Variants in CUX2 observed in about 807,000 individuals in gnomAD.
CUX2 encodes the protein homeobox protein cut-like 2.
A neutral mutation model predicts 144.8 loss-of-function variants in CUX2; 40 were observed. The ratio of observed to expected loss-of-function variants is 0.28; its 90% CI spans 0.21 to 0.36. The LOEUF is 0.36. Ranked by LOEUF, CUX2 falls within the 10% of genes least tolerant of loss-of-function variation. CUX2 has a pLI of 1.00. For missense variants in CUX2, 1,615 were observed against 1,994.0 expected, an observed-to-expected ratio of 0.81 and a Z score of 3.62; for synonymous variants, 827 against 875.6, an observed-to-expected ratio of 0.94 and a Z score of 0.98.
intron 1 of CUX2, among the ~76,000 whole-genome samples, chr12:111,139,383 C>G (rs1006171971): frequency 1.3e-5 from 2 of 152,030 alleles, no homozygotes; most frequent in African/African-American, 4.8e-5. Context: ...CCTCCCTGGC[C>G]TGGGATGAGC....
intron 14 of CUX2, among the ~76,000 whole-genome samples, chr12:111,309,741 ATC>A (rs144676885): frequency 1.4e-4 from 16 of 110,940 alleles, no homozygotes; most frequent in South Asian, 2.9e-4. Context: ...TTGTCTCTTT[ATC>A]TCTCTCTCTC....
chr12:111,333,512 C>T (rs1163925038), intron 18 of CUX2, among the ~76,000 whole-genome samples: 1 of 152,064 alleles, frequency 6.6e-6, no homozygotes, highest in East Asian at 1.9e-4. Flanking sequence ...CCAGTGTTGC[C>T]CTTTCTGAAG....
chr12:111,308,612 C>T (rs1886720056), intron 14 of CUX2, 86 bp downstream of exon 14: 1 of 1,133,362 alleles, frequency 8.8e-7, no homozygotes, highest in South Asian at 1.4e-5. Context: ...AGGACCACTG[C>T]CTTCCATGCA....
At chr12:111,046,810 C>A (rs796663178) in intron 1 of CUX2, among the ~76,000 whole-genome samples, 6 of 152,302 alleles carry the variant, frequency 3.9e-5, no homozygotes, top group African/African-American at 1.4e-4. Flanking sequence ...GCGTGTGCCA[C>A]TACGCCTGGC....
In CUX2 at chr12:111,291,544, G is replaced by T. The variant is rs766645009; in HGVS notation, c.428G>T (p.Ser143Ile). The T allele has an allele frequency of 1.2e-5, 20 of 1,608,904 alleles. No individual in the cohort carries two copies. The highest frequency in any genetic ancestry group is 1.7e-5 in the Admixed American group (1 of 59,274). Residue 143 changes from serine (S) to isoleucine (I), a missense_variant, in exon 5 of 22, where the codon AGC becomes ATC. Ser to Ile is a moderately radical substitution (Grantham distance 142). Transcript: ENST00000261726. Reference sequence around the variant, plus strand: ...TGGAAGAGGAACCCCGAGCTCCTCAGCCCCAAAGGTACTGATAAGGCCTTC... The same window carrying T: ...TGGAAGAGGAACCCCGAGCTCCTCATCCCCAAAGGTACTGATAAGGCCTTC... ...TSWKRNPELL[S>I]PKEQREGTSP... is the part of the protein sequence containing the mutation.
intron 18 of CUX2, 87 bp from the exon 19 acceptor site, chr12:111,334,354 T>A: frequency 4.9e-6 from 7 of 1,436,434 alleles, no homozygotes; most frequent in Non-Finnish European, 6.5e-6. Context: ...GTTTGGCAAC[T>A]CTTGGCTGTA....
intron 1 of CUX2, among the ~76,000 whole-genome samples, chr12:111,155,981 C>T (rs1592947273): frequency 6.6e-6 from 1 of 152,138 alleles, no homozygotes; most frequent in African/African-American, 2.4e-5. Flanking sequence ...AACCCGCTCA[C>T]AAGCCCTGGC....
At chr12:111,286,950 T>A (rs977783053) in intron 4 of CUX2, among the ~76,000 whole-genome samples, 1 of 152,192 alleles carries the variant, frequency 6.6e-6, no homozygotes, top group East Asian at 1.9e-4. Flanking sequence ...CCAGGCCCCA[T>A]GGGATCTGGA....
rs1013110630 is a variant in CUX2, at chr12:111,217,881, C to G, written c.175-9C>G. On this transcript the variant is annotated splice_polypyrimidine_tract_variant and intron_variant, in intron 2 of 21. Transcript: ENST00000261726. Reference sequence around the variant, plus strand: ...ACTGTAGTGAACTCTTTGCTGATCTCTTTTTCAGGAAATCAGAGAGATGGT... The same window carrying G: ...ACTGTAGTGAACTCTTTGCTGATCTGTTTTTCAGGAAATCAGAGAGATGGT... 1.4e-5 allele frequency: 22 copies of G among 1,614,092 alleles called. No homozygotes were observed. Among genetic ancestry groups the G allele is most frequent in the Non-Finnish European group, 1.9e-5 (22 of 1,180,010 alleles).
At chr12:111,041,927 C>T (rs977019837) in intron 1 of CUX2, among the ~76,000 whole-genome samples, 3 of 152,200 alleles carry the variant, frequency 2.0e-5, no homozygotes, top group African/African-American at 7.2e-5. Flanking sequence ...AGCCTGCTGT[C>T]TCTGCTTCTT....
chr12:111,285,795 G>A (rs1174484675), intron 4 of CUX2, among the ~76,000 whole-genome samples: 6 of 152,252 alleles, frequency 3.9e-5, no homozygotes, highest in Non-Finnish European at 8.8e-5. Flanking sequence ...TTGGCCGTTA[G>A]GACTCCGTTG....
At chr12:111,193,960 C>T (rs1352006428) in intron 1 of CUX2, among the ~76,000 whole-genome samples, 4 of 152,192 alleles carry the variant, frequency 2.6e-5, no homozygotes, top group Non-Finnish European at 4.4e-5. Context: ...TGGGCTCCTC[C>T]GCAACCTTGC....
rs1430629478 is a variant in CUX2, at chr12:111,268,899, C to CCCCCCAGGGGGG, written c.301+5060_301+5061insCCCCCAGGGGGG. Among the ~76,000 whole-genome samples the CCCCCCAGGGGGG allele has an allele frequency of 9.2e-5, 14 of 152,204 alleles. 1 individual carries two copies. Among genetic ancestry groups the CCCCCCAGGGGGG allele is most frequent in the African/African-American group, 3.1e-4 (13 of 41,442 alleles). ...CCCAGAGATGCCTCCCAGGGGTCCC[C>CCCCCCAGGGGGG]AGGCAGCGCTCTCCCACGGCACCCC... is the stretch of plus-strand genomic sequence containing the variant. On this transcript the variant is annotated intron_variant, in intron 4 of 21. Transcript: ENST00000261726.
intron 1 of CUX2, among the ~76,000 whole-genome samples, chr12:111,054,783 C>T (rs1347828286): frequency 6.6e-6 from 1 of 152,132 alleles, no homozygotes; most frequent in Non-Finnish European, 1.5e-5. Context: ...CACACCACCA[C>T]GCCCGCCTAA....
In CUX2 at chr12:111,287,184, T is replaced by C. The variant is rs1474605163; in HGVS notation, c.302-4234T>C. 3.9e-5 allele frequency among the ~76,000 whole-genome samples: 6 copies of C among 152,188 alleles called. No homozygotes were observed. The highest frequency in any genetic ancestry group is 3.9e-4 in the Admixed American group (6 of 15,288). The stretch of plus-strand genomic sequence containing the variant: ...CAGAGGGCCTCGGAGTAGAACGAAA[T>C]GTCAATACCTAATCCCTGCGAACAG... On this transcript the variant is annotated intron_variant, in intron 4 of 21. Transcript: ENST00000261726. The surrounding 1 kb of genome is among the most constrained non-coding windows in gnomAD (Gnocchi z 4.2).
chr12:111,254,049 G>T (rs950822346), intron 3 of CUX2, among the ~76,000 whole-genome samples: 1 of 152,076 alleles, frequency 6.6e-6, no homozygotes, highest in African/African-American at 2.4e-5. Flanking sequence ...TTTTTTAAAT[G>T]TTAGTCTCTA....
chr12:111,323,935 G>A (rs904970726), intron 18 of CUX2, among the ~76,000 whole-genome samples: 1 of 152,130 alleles, frequency 6.6e-6, no homozygotes, highest in Non-Finnish European at 1.5e-5. Flanking sequence ...TGCCTGTAAG[G>A]GTGAGGCAGG....
chr12:111,062,098 T>C (rs1476552861), intron 1 of CUX2, among the ~76,000 whole-genome samples: 1 of 152,254 alleles, frequency 6.6e-6, no homozygotes, highest in Admixed American at 6.5e-5. Context: ...ACTTCTGCTA[T>C]AGCCGCCGGC....
In CUX2 at chr12:111,347,943, C is replaced by T. The variant is rs1888889894; in HGVS notation, c.4079C>T (p.Ser1360Leu). The change falls in exon 22 of 22, where the codon TCA (serine) becomes TTA (leucine). Residue 1360 changes from serine (S) to leucine (L), a missense_variant. This residue lies in a region of CUX2 where 298 missense variants were observed against 330.4 expected (regional missense o/e 0.90). Coordinates refer to ENST00000261726, the MANE Select transcript of CUX2 (RefSeq NM_015267.4). ...LPGGSTPDCPSLHPQQESEAG... is the reference protein window; with the variant it reads ...LPGGSTPDCPLLHPQQESEAG... ...GGTGGATCCACCCCAGACTGTCCCT[C>T]ACTTCATCCCCAACAGGAGAGTGAG... 1 of 1,614,182 alleles carries T rather than the reference C, an allele frequency of 6.2e-7. No homozygotes were observed. The highest frequency in any genetic ancestry group is 8.5e-7 in the Non-Finnish European group (1 of 1,180,040).
Sources: allele counts gnomAD v4.1 joint callset (sites outside exome capture counted in the v4.1 genomes callset), GRCh38; gene constraint gnomAD v4.1.1; regional missense constraint gnomAD v4.1.1; non-coding constraint Gnocchi (gnomAD v3.1); transcripts MANE v1.5; gene names NCBI Gene and HGNC (gene_info 2026-07-23, HGNC 2026-07-21).